The following ZNF324B variants were observed in gnomAD, a reference collection of about 807,000 sequenced individuals.
ZNF324B encodes zinc finger protein 324B.
ZNF324B carries 7 observed loss-of-function variants against 10.6 expected under a neutral mutation model. The observed-to-expected ratio is 0.66, with a 90% CI of 0.38 to 1.24. ZNF324B has a LOEUF of 1.24. ZNF324B is among the 50% of genes most tolerant of loss of function. The pLI is 0.02. For missense variants in ZNF324B, 640 were observed against 764.7 expected, an observed-to-expected ratio of 0.84 and a Z score of 1.92; for synonymous variants, 316 against 321.0, an observed-to-expected ratio of 0.98 and a Z score of 0.17.
intron 1 of ZNF324B, chr19:58,453,082 AAAATAAATAAATAAATAAATAAAT>A (rs34636971): frequency 2.8e-5 from 4 of 140,370 alleles, no homozygotes; most frequent in African/African-American, 5.3e-5. Context: ...CTCCAAAATA[AAAATAAATAAATAAATAAATAAAT>A]AAATAAATAA....
At chr19:58,437,623 C>G in the ZNF324B span, 4 of 870,260 alleles carry the variant, frequency 4.6e-6, no homozygotes, top group Non-Finnish European at 5.5e-6. Flanking sequence ...ATTCTCTCAC[C>G]TTTACATGTC....
At chr19:58,447,525 G>A (rs558894476), upstream of ZNF324B, among the ~76,000 whole-genome samples, 10 of 152,180 alleles carry the variant, frequency 6.6e-5, no homozygotes, top group Non-Finnish European at 1.3e-4. Flanking sequence ...CACATTAGAT[G>A]GATAATGTAA....
At chr19:58,439,850 C>G in the ZNF324B span, 6 of 1,534,174 alleles carry the variant, frequency 3.9e-6, no homozygotes, top group Non-Finnish European at 5.3e-6. Context: ...AGCCCTGCCG[C>G]TGGGCCGAAC....
the ZNF324B span, chr19:58,437,097 T>C: frequency 6.2e-7 from 1 of 1,614,114 alleles, no homozygotes; most frequent in South Asian, 1.1e-5. Context: ...GTGGTACAGG[T>C]GCCTCTGGGC....
chr19:58,427,387 T>C, the ZNF324B span, among the ~76,000 whole-genome samples: 10 of 49,808 alleles, frequency 2.0e-4, no homozygotes, highest in African/African-American at 6.3e-4. Flanking sequence ...TCTTTCTTTC[T>C]TTCTTTCTTT....
the ZNF324B span, chr19:58,436,833 G>A: frequency 4.2e-6 from 3 of 708,838 alleles, no homozygotes; most frequent in South Asian, 4.4e-5. Context: ...CCTCCACAAG[G>A]CTCCTGGGCA....
At chr19:58,428,873 C>CTACTGAGTTTTATATTTCATGAGTCA in the ZNF324B span, 1 of 152,194 alleles carries the variant, frequency 6.6e-6, no homozygotes, top group Non-Finnish European at 1.5e-5. Context: ...TTATGCCTGC[C>CTACTGAGTTTTATATTTCATGAGTCA]TACTGAGTTT....
At chr19:58,435,884 C>T in the ZNF324B span, among the ~76,000 whole-genome samples, 1 of 152,172 alleles carries the variant, frequency 6.6e-6, no homozygotes, top group Non-Finnish European at 1.5e-5. Flanking sequence ...GGATTATAGG[C>T]ACCTTGCCCA....
chr19:58,446,622 G>A (rs1379362571), upstream of ZNF324B, among the ~76,000 whole-genome samples: 1 of 136,924 alleles, frequency 7.3e-6, no homozygotes, highest in Non-Finnish European at 1.5e-5. Flanking sequence ...CTGTCACCAG[G>A]CTGGAGTGCA....
the ZNF324B span, among the ~76,000 whole-genome samples, chr19:58,425,561 G>C: frequency 4.0e-5 from 6 of 149,938 alleles, no homozygotes; most frequent in Non-Finnish European, 5.9e-5. Context: ...ACCTCTGCCT[G>C]CCGGGTTCAA....
At chr19:58,454,434 T>C (rs752951671) in intron 3 of ZNF324B, 90 bp downstream of exon 3, 1 of 821,872 alleles carries the variant, frequency 1.2e-6, no homozygotes, top group South Asian at 1.5e-5. Context: ...CACATCCTCC[T>C]CTCCTGCCTC....
Position 58,455,590 on chromosome 19 carries a change from G to A in ZNF324B, c.646G>A (p.Ala216Thr), listed in dbSNP as rs781671547. ...CGGGAATGCCTCGGACCTGAAGGCC[G>A]CCAGTGGTGGCAGGGATCGCAGAAT... ...AFGNASDLKA[A>T]SGGRDRRMGA... Residue 216 changes from alanine to threonine, a missense_variant, in exon 4 of 4, where the codon GCC becomes ACC. By Grantham distance (58) the Ala-to-Thr change is moderately conservative. Around this residue, in one of 3 missense-constraint regions of ZNF324B, gnomAD observed 345 missense variants for 387.9 expected, o/e 0.89. Coordinates refer to ENST00000336614, the MANE Select transcript of ZNF324B (RefSeq NM_207395.3). The surrounding 1 kb of genome is among the most constrained non-coding windows in gnomAD (Gnocchi z 7.0). 1.9e-6 allele frequency: 3 copies of A among 1,614,088 alleles called. No individual in the cohort carries two copies. The highest frequency in any genetic ancestry group is 2.2e-5 in the South Asian group (2 of 91,084).
At chr19:58,427,370 CTT>C in the ZNF324B span, among the ~76,000 whole-genome samples, 2,589 of 39,512 alleles carry the variant, frequency 0.066, 82 homozygotes, top group African/African-American at 0.11. Flanking sequence ...TTCTTTCTTT[CTT>C]TCTTTCTTTC....
At chr19:58,420,576 T>A in the ZNF324B span, among the ~76,000 whole-genome samples, 2 of 152,056 alleles carry the variant, frequency 1.3e-5, no homozygotes, top group Non-Finnish European at 2.9e-5. Context: ...TAAATTTTTT[T>A]TTTTTTTAAG....
At chr19:58,422,270 A>T in the ZNF324B span, among the ~76,000 whole-genome samples, 1 of 152,198 alleles carries the variant, frequency 6.6e-6, no homozygotes, top group Non-Finnish European at 1.5e-5. Context: ...ACATACCTCA[A>T]CATAATAATG....
the ZNF324B span, chr19:58,435,121 G>A: frequency 6.2e-7 from 1 of 1,614,172 alleles, no homozygotes; most frequent in South Asian, 1.1e-5. Context: ...CTTGGTGGAA[G>A]GATCTGCATT....
chr19:58,434,246 C>G, the ZNF324B span: 3 of 1,613,944 alleles, frequency 1.9e-6, no homozygotes, highest in Non-Finnish European at 8.5e-7. Context: ...TAAGGTCTTA[C>G]CTGTGTGTGA....
chr19:58,433,257 T>G, the ZNF324B span: 1 of 1,511,784 alleles, frequency 6.6e-7, no homozygotes. Context: ...GGTATGGGGA[T>G]TCTGCTGCAT....
the ZNF324B span, chr19:58,430,502 A>G: frequency 2.0e-5 from 3 of 152,378 alleles, no homozygotes; most frequent in Middle Eastern, 3.4e-3. Flanking sequence ...TTTGTTGCCC[A>G]TAACTCTCTT....
Sources: gnomAD v4.1 joint callset for allele counts (sites outside exome capture counted in the v4.1 genomes callset) on GRCh38, gnomAD v4.1.1 for gene constraint, gnomAD v4.1.1 regional missense constraint, Gnocchi (gnomAD v3.1) non-coding constraint, MANE v1.5 for transcripts, NCBI Gene and HGNC (gene_info 2026-07-23, HGNC 2026-07-21) for gene names.